The following ABCA13 variants were observed in gnomAD, a reference collection of about 807,000 sequenced individuals.
ABCA13 encodes ATP-binding cassette sub-family A member 13.
Under a neutral mutation model 478.7 loss-of-function variants are expected in ABCA13, and 476 were observed. The ratio of observed to expected loss-of-function variants is 0.99; its 90% CI spans 0.92 to 1.07. The LOEUF is 1.07. Ranked by LOEUF, ABCA13 falls within the 50% of genes least tolerant of loss-of-function variation. The probability of loss-of-function intolerance (pLI) is 0.00; values close to 1 mark genes in which losing one functional copy is unlikely to be tolerated. For missense variants in ABCA13, 6,060 were observed against 5,910.6 expected (o/e 1.03, Z -0.83); for synonymous variants, 2,252 against 2,158.9 (o/e 1.04, Z -1.20).
intron 16 of ABCA13, among the ~76,000 whole-genome samples, chr7:48,269,349 T>A (rs1464646127): frequency 6.6e-6 from 1 of 152,200 alleles, no homozygotes; most frequent in Non-Finnish European, 1.5e-5. Flanking sequence ...TTTCCTTCAA[T>A]AATAACATGA....
rs540868161 is a variant in ABCA13, at chr7:48,577,805, G to A, written c.14355-2419G>A. On this transcript the variant is annotated intron_variant, in intron 55 of 61. Coordinates refer to ENST00000435803, the MANE Select transcript of ABCA13 (RefSeq NM_152701.5). ...AAAACTATAGCCTAGTATCTCTTAT[G>A]AATATACATGCAAAAATTTTCAACA... Among the ~76,000 whole-genome samples the A allele has an allele frequency of 2.4e-4, 37 of 152,168 alleles. 1 individual carries two copies. The highest frequency in any genetic ancestry group is 7.2e-4 in the African/African-American group (30 of 41,542).
rs189056264 is a variant in ABCA13, at chr7:48,566,940, G to A, written c.14355-13284G>A. Among the ~76,000 whole-genome samples, 20 of 152,188 alleles carry A rather than the reference G, an allele frequency of 1.3e-4. 1 individual carries two copies. Among genetic ancestry groups the A allele is most frequent in the East Asian group, 1.2e-3 (6 of 5,174 alleles). ...GGATCTTCTCCGCAAACATTCTACC[G>A]AACTACTTATAGTGATAGACACATC... is the stretch of plus-strand genomic sequence containing the variant. On this transcript the variant is annotated intron_variant, in intron 55 of 61. Transcript: ENST00000435803.
At chr7:48,200,135 C>T (rs1001192125) in intron 3 of ABCA13, among the ~76,000 whole-genome samples, 2 of 152,128 alleles carry the variant, frequency 1.3e-5, no homozygotes, top group Non-Finnish European at 2.9e-5. Flanking sequence ...GAGGCCGAGG[C>T]GGGCAGATCA....
At chr7:48,550,202 T>C (rs1351642921) in intron 55 of ABCA13, among the ~76,000 whole-genome samples, 1 of 151,912 alleles carries the variant, frequency 6.6e-6, no homozygotes, top group Non-Finnish European at 1.5e-5. Context: ...TATTTATTTT[T>C]ATAGAAAATT....
chr7:48,409,681 T>C (rs1374732233), intron 39 of ABCA13, among the ~76,000 whole-genome samples: 2 of 152,208 alleles, frequency 1.3e-5, no homozygotes, highest in Admixed American at 6.5e-5. Flanking sequence ...ACCTCTTTTT[T>C]ATCACTGATT....
intron 8 of ABCA13, among the ~76,000 whole-genome samples, chr7:48,235,349 G>A (rs907241206): frequency 6.6e-6 from 1 of 152,006 alleles, no homozygotes; most frequent in African/African-American, 2.4e-5. Flanking sequence ...TTATAACCCC[G>A]TTTTCTCATT....
At chr7:48,234,956 C>T (rs923697509) in intron 8 of ABCA13, among the ~76,000 whole-genome samples, 4 of 152,140 alleles carry the variant, frequency 2.6e-5, no homozygotes, top group Non-Finnish European at 4.4e-5. Flanking sequence ...TTGTGAGTTC[C>T]CCACAACCTG....
chr7:48,296,068 A>C (rs1562991259), intron 21 of ABCA13, among the ~76,000 whole-genome samples: 1 of 152,204 alleles, frequency 6.6e-6, no homozygotes. Flanking sequence ...CAGAAGGCTA[A>C]CTTTATTGGC....
intron 15 of ABCA13, among the ~76,000 whole-genome samples, chr7:48,251,574 G>A (rs1792564088): frequency 6.6e-6 from 1 of 151,994 alleles, no homozygotes; most frequent in South Asian, 2.1e-4. Flanking sequence ...ACCCTTGCTG[G>A]GGGCTGATCT....
In ABCA13 at chr7:48,570,614, C is replaced by T. The variant is rs185702884; in HGVS notation, c.14355-9610C>T. 4.4e-4 allele frequency among the ~76,000 whole-genome samples: 67 copies of T among 152,102 alleles called. 1 individual carries two copies. In the South Asian group the frequency reaches 6.9e-3, roughly 16 times the overall value. On this transcript the variant is annotated intron_variant, in intron 55 of 61. Coordinates refer to ENST00000435803, the MANE Select transcript of ABCA13 (RefSeq NM_152701.5). ...CTGGTATTACAGGTGTGAGCCACCG[C>T]ACCCAGCTGCATCCTTTTACTTTCA...
At chr7:48,203,000 C>G (rs2128923773) in intron 3 of ABCA13, among the ~76,000 whole-genome samples, 1 of 152,324 alleles carries the variant, frequency 6.6e-6, no homozygotes, top group Non-Finnish European at 1.5e-5. Context: ...TGCACAGGAA[C>G]CCACGGAGGT....
intron 27 of ABCA13, among the ~76,000 whole-genome samples, chr7:48,330,678 CATCT>C (rs972005213): frequency 6.6e-6 from 1 of 150,850 alleles, no homozygotes. Flanking sequence ...ACCATCGATT[CATCT>C]ATCTATCCAT....
intron 42 of ABCA13, among the ~76,000 whole-genome samples, chr7:48,444,668 C>A (rs17132335): frequency 0.12 from 17,572 of 152,012 alleles, 1,213 homozygotes; most frequent in Admixed American, 0.16. Flanking sequence ...ACTGAGGTTT[C>A]CTTGTTCCCA....
chr7:48,194,450 T>C lies in ABCA13; in HGVS notation c.163+1398T>C, dbSNP rs937245104. On this transcript the variant is annotated intron_variant, in intron 2 of 61. Transcript: ENST00000435803. ...GTGATGATAGTGATTACTATGTTGA[T>C]GCTATCAGTTGTGATGGTGATGCTC... 5.9e-5 allele frequency among the ~76,000 whole-genome samples: 9 copies of C among 152,084 alleles called. No individual in the cohort carries two copies. In the East Asian group the frequency reaches 1.4e-3, roughly 23 times the overall value.
At chr7:48,644,400 CA>C (rs1380198181) in intron 60 of ABCA13, among the ~76,000 whole-genome samples, 1 of 152,160 alleles carries the variant, frequency 6.6e-6, no homozygotes, top group Non-Finnish European at 1.5e-5. Flanking sequence ...TAGAGCATAT[CA>C]GGGGGCAGAA....
Position 48,276,198 on chromosome 7 carries a change from G to T in ABCA13, c.6532G>T (p.Ala2178Ser). Residue 2178 changes from alanine (A) to serine (S), a missense_variant, in exon 17 of 62, where the codon GCA becomes TCA. This residue lies in a region of ABCA13 where 4,423 missense variants were observed against 4,309.1 expected (regional missense o/e 1.03). Coordinates refer to ENST00000435803, the MANE Select transcript of ABCA13 (RefSeq NM_152701.5). The part of the protein sequence containing the change: ...FWGSLKNISR[A>S]GNFDVAFLTH... Reference sequence around the variant, plus strand: ...GGGCTCTTTAAAAAATATATCTAGAGCAGGCAATTTTGATGTTGCCTTTCT... The same window carrying T: ...GGGCTCTTTAAAAAATATATCTAGATCAGGCAATTTTGATGTTGCCTTTCT... The T allele has an allele frequency of 1.3e-6, 2 of 1,590,314 alleles. No homozygotes were observed. Among genetic ancestry groups the T allele is most frequent in the African/African-American group, 1.3e-5 (1 of 74,474 alleles).
At chr7:48,405,926 G>C (rs554401049) in intron 39 of ABCA13, among the ~76,000 whole-genome samples, 1 of 152,264 alleles carries the variant, frequency 6.6e-6, no homozygotes, top group Admixed American at 6.5e-5. Context: ...GTATGTAAGC[G>C]ATTAGATAGG....
intron 3 of ABCA13, among the ~76,000 whole-genome samples, chr7:48,206,238 C>T (rs933056553): frequency 5.3e-5 from 8 of 152,192 alleles, no homozygotes; most frequent in Admixed American, 3.9e-4. Flanking sequence ...CAATGGACTG[C>T]GTATATGACA....
At chr7:48,511,311 A>G in intron 51 of ABCA13, 112 bp downstream of exon 51, 2 of 875,532 alleles carry the variant, frequency 2.3e-6, no homozygotes, top group Admixed American at 5.7e-5. Context: ...CTTTTGAAGC[A>G]ATTATGTTGC....
Sources: allele counts gnomAD v4.1 joint callset (sites outside exome capture counted in the v4.1 genomes callset), GRCh38; gene constraint gnomAD v4.1.1; regional missense constraint gnomAD v4.1.1; transcripts MANE v1.5; gene names NCBI Gene and HGNC (gene_info 2026-07-23, HGNC 2026-07-21).